The following RCAN3 variants were observed in gnomAD, a reference collection of about 807,000 sequenced individuals.
The protein encoded by RCAN3 is regulator of calcineurin 3, also known as calcipressin-3.
RCAN3 carries 19 observed loss-of-function variants against 21.9 expected under a neutral mutation model. The observed-to-expected ratio is 0.87, with a 90% CI of 0.61 to 1.27. The LOEUF (loss-of-function observed/expected upper bound fraction) is 1.27. Among genes scored for constraint, RCAN3 ranks in the 50% most tolerant of loss-of-function variants. The pLI is 0.00. For synonymous variants in RCAN3, 114 were observed against 112.3 expected, an observed-to-expected ratio of 1.01 and a Z score of -0.09; for missense variants, 240 against 300.1, an observed-to-expected ratio of 0.80 and a Z score of 1.48.
chr1:24,519,366 T>G (rs182854276), intron 2 of RCAN3, among the ~76,000 whole-genome samples: 146 of 152,206 alleles, frequency 9.6e-4, no homozygotes, highest in African/African-American at 2.8e-3. Context: ...CAGAAGCAAA[T>G]TAATCTTGCT....
chr1:24,502,959 T>G lies in RCAN3; in HGVS notation c.-251T>G, dbSNP rs1051226793. ...GAGGGCGTGGCGGCGAGGCTGCTGC[T>G]GCAGGCGGCTCCCGGCTCTGCCTTC... On this transcript the variant is annotated 5_prime_UTR_variant, in exon 1 of 5. Coordinates refer to ENST00000374395, the MANE Select transcript of RCAN3 (RefSeq NM_013441.4). 6.7e-6 allele frequency: 1 copy of G among 149,614 alleles called. No individual in the cohort carries two copies. The highest frequency in any genetic ancestry group is 1.5e-5 in the Non-Finnish European group (1 of 67,066). 9.3% of individuals were successfully genotyped at this position (149,614 alleles called of 1,614,324 possible). A position where few individuals can be genotyped will look rare whatever the true frequency, so the allele number is the denominator to read the frequency against.
At chr1:24,517,101 T>G (rs369388808) in intron 2 of RCAN3, among the ~76,000 whole-genome samples, 2,188 of 151,576 alleles carry the variant, frequency 0.014, 62 homozygotes, top group African/African-American at 0.05. Context: ...TTTGTTTTTT[T>G]TTTGTTTGTT....
chr1:24,505,492 G>GGT (rs1647373688), intron 1 of RCAN3, among the ~76,000 whole-genome samples: 1 of 151,606 alleles, frequency 6.6e-6, no homozygotes, highest in Admixed American at 6.6e-5. Flanking sequence ...CAAAGTGCTG[G>GGT]GATTACAGGC....
chr1:24,527,126 G>A (rs1649336032), intron 2 of RCAN3, among the ~76,000 whole-genome samples: 1 of 152,040 alleles, frequency 6.6e-6, no homozygotes, highest in Non-Finnish European at 1.5e-5. Flanking sequence ...CTGCCTCCCA[G>A]GCTCAAGCAA....
At chr1:24,534,693 G>T (rs1003517452) in intron 4 of RCAN3, among the ~76,000 whole-genome samples, 7 of 151,998 alleles carry the variant, frequency 4.6e-5, no homozygotes, top group Non-Finnish European at 1.0e-4. Context: ...CCAACTACTC[G>T]GGAGGCTAAG....
rs1194060973 is a variant in RCAN3 at position 24,508,397 on chromosome 1, G to GGT, written c.-60+5255_-60+5256dup. Among the ~76,000 whole-genome samples the GGT allele has an allele frequency of 7.9e-5, 12 of 152,326 alleles. No individual in the cohort carries two copies. In the East Asian group the frequency reaches 2.3e-3, roughly 29 times the overall value. On this transcript the variant is annotated intron_variant, in intron 1 of 4. Transcript: ENST00000374395. ...CGAAATGAGAGCCAGTATTGACACA[G>GGT]GTGTGTGTGAACCACAGGGAGGCAG... is the stretch of plus-strand genomic sequence containing the variant.
intron 2 of RCAN3, among the ~76,000 whole-genome samples, chr1:24,519,215 G>GTTTT (rs60599694): frequency 1.5e-4 from 21 of 136,734 alleles, no homozygotes; most frequent in Admixed American, 3.0e-4. Flanking sequence ...CTGGCCTGAT[G>GTTTT]TTTTTTTTTT....
Position 24,514,439 on chromosome 1 carries a change from G to C in RCAN3, c.67G>C (p.Glu23Gln). The change falls in exon 2 of 5, where the codon GAG becomes CAG. Residue 23 changes from glutamate to glutamine, a missense_variant. Transcript: ENST00000374395. ...AGATCTGTGTAGCACTGACCAAGAA[G>C]AGGAAGAAGAGATGATTTTTGGTGA... ...QSDLCSTDQEEEEEMIFGENE... is the reference protein window; with the variant it reads ...QSDLCSTDQEQEEEMIFGENE... 1 of 1,614,168 alleles carries C rather than the reference G, an allele frequency of 6.2e-7. No individual in the cohort carries two copies. The highest frequency in any genetic ancestry group is 8.5e-7 in the Non-Finnish European group (1 of 1,180,024).
At chr1:24,509,715 G>A (rs1647729477) in intron 1 of RCAN3, among the ~76,000 whole-genome samples, 1 of 152,094 alleles carries the variant, frequency 6.6e-6, no homozygotes, top group African/African-American at 2.4e-5. Context: ...CCAACTTGTT[G>A]ATGTTGCGAT....
At position 24,539,501 on chromosome 1, in the gene RCAN3, T is replaced by G. The variant is rs1309193654; in HGVS notation, c.*4224T>G. On this transcript the variant is annotated 3_prime_UTR_variant, in exon 5 of 5. Transcript: ENST00000374395. ...TAATGAAATGACTAATAGTCGTACT[T>G]AAGAGGTAACTCTACTAAAGCAGAA... The G allele has an allele frequency of 6.6e-6, 1 of 152,216 alleles. No individual in the cohort carries two copies. The highest frequency in any genetic ancestry group is 1.9e-4 in the East Asian group (1 of 5,204). 9.4% of individuals were successfully genotyped at this position (152,216 alleles called of 1,614,324 possible).
At position 24,514,313 on chromosome 1, in the gene RCAN3, G is replaced by A. The variant is rs1227139926; in HGVS notation, c.-59-1G>A. Reference sequence around the variant, plus strand: ...CTCTGCATTTTCTTTTTTTTTAACAGTGGGTGCCTGATAGACATCCTAGGA... The same window carrying A: ...CTCTGCATTTTCTTTTTTTTTAACAATGGGTGCCTGATAGACATCCTAGGA... On this transcript the variant is annotated splice_acceptor_variant, in intron 1 of 4. Coordinates refer to ENST00000374395, the MANE Select transcript of RCAN3 (RefSeq NM_013441.4). LOFTEE classifies it low-confidence loss of function (5UTR_SPLICE). The A allele has an allele frequency of 3.6e-6, 5 of 1,377,784 alleles. No homozygotes were observed. Among genetic ancestry groups the A allele is most frequent in the Non-Finnish European group, 3.9e-6 (4 of 1,037,850 alleles). 85.3% of individuals were successfully genotyped at this position (1,377,784 alleles called of 1,614,324 possible).
In RCAN3 at chr1:24,524,710, G is replaced by A. The variant is rs78361084; in HGVS notation, c.196-6508G>A. Among the ~76,000 whole-genome samples, 1,107 of 152,184 alleles carry A rather than the reference G, an allele frequency of 7.3e-3. 15 individuals are homozygous for A. The highest frequency in any genetic ancestry group is 0.024 in the African/African-American group (992 of 41,520). ...TTCTAGATCAGATTTACAGAAAGAC[G>A]TAGAATATAAATCTCTTGCCTTAGG... On this transcript the variant is annotated intron_variant, in intron 2 of 4. Coordinates refer to ENST00000374395, the MANE Select transcript of RCAN3 (RefSeq NM_013441.4).
intron 1 of RCAN3, among the ~76,000 whole-genome samples, chr1:24,505,552 A>G (rs1208000673): frequency 3.3e-5 from 5 of 152,014 alleles, no homozygotes; most frequent in African/African-American, 9.7e-5. Flanking sequence ...ACTTAGTTGA[A>G]ATTTTTAATT....
intron 4 of RCAN3, among the ~76,000 whole-genome samples, chr1:24,534,253 G>C (rs1650034146): frequency 6.6e-6 from 1 of 152,138 alleles, no homozygotes; most frequent in Admixed American, 6.5e-5. Flanking sequence ...AATCAAGGGA[G>C]TGCCTATGCT....
chr1:24,523,345 T>TA lies in RCAN3; in HGVS notation c.196-7872dup, dbSNP rs144492118. On this transcript the variant is annotated intron_variant, in intron 2 of 4. Coordinates refer to ENST00000374395, the MANE Select transcript of RCAN3 (RefSeq NM_013441.4). Reference sequence around the variant, plus strand: ...CTCCCAAAGTGCTGGGATTTTAAATTATCTGTATTTGGAGTCGACATGATT... The same window carrying TA: ...CTCCCAAAGTGCTGGGATTTTAAATTAATCTGTATTTGGAGTCGACATGATT... Among the ~76,000 whole-genome samples the TA allele has an allele frequency of 2.0e-3, 308 of 151,746 alleles. 2 individuals are homozygous for TA. Among genetic ancestry groups the TA allele is most frequent in the Non-Finnish European group, 3.6e-3 (245 of 67,886 alleles).
intron 2 of RCAN3, among the ~76,000 whole-genome samples, chr1:24,516,651 G>C (rs1378220087): frequency 1.3e-5 from 2 of 152,174 alleles, no homozygotes; most frequent in Admixed American, 1.3e-4. Context: ...GTCCTTTTGT[G>C]GGAAACGGTC....
intron 1 of RCAN3, among the ~76,000 whole-genome samples, chr1:24,511,274 C>T (rs1179023723): frequency 6.6e-6 from 1 of 152,194 alleles, no homozygotes; most frequent in African/African-American, 2.4e-5. Flanking sequence ...GATAGCACCA[C>T]TGCACTCCAG....
At position 24,531,361 on chromosome 1, in the gene RCAN3, T is replaced by C; in HGVS notation, c.339T>C (p.Asn113=). The C allele has an allele frequency of 6.2e-7, 1 of 1,613,448 alleles. No homozygotes were observed. Among genetic ancestry groups the C allele is most frequent in the Non-Finnish European group, 8.5e-7 (1 of 1,179,750 alleles). The change falls in exon 3 of 5, where the codon AAT becomes AAC. Residue 113 remains asparagine (N), a synonymous_variant. Transcript: ENST00000374395. ...TAGAACTCCACGAAACAGACTTCAATGGGCAGAAGCTAAAGCTATATTTTG... is the reference window on the plus strand; with the variant it reads ...TAGAACTCCACGAAACAGACTTCAACGGGCAGAAGCTAAAGCTATATTTTG... ...ARIELHETDF[N]GQKLKLYFAQ... is the part of the protein sequence containing the mutation.
rs1477636694 is a variant in RCAN3 at position 24,537,212 on chromosome 1, A to T, written c.*1935A>T. ...CTGCCTGCCCATTAAAGAATATTCT[A>T]TTCCTAACACATAAAACATTTTACA... On this transcript the variant is annotated 3_prime_UTR_variant, in exon 5 of 5. Coordinates refer to ENST00000374395, the MANE Select transcript of RCAN3 (RefSeq NM_013441.4). 1 of 152,046 alleles carries T rather than the reference A, an allele frequency of 6.6e-6. No individual in the cohort carries two copies. The highest frequency in any genetic ancestry group is 1.5e-5 in the Non-Finnish European group (1 of 68,008). The allele number at this position is 152,046 out of a possible 1,614,324, so 9.4% of individuals were successfully genotyped here.
Sources: allele counts gnomAD v4.1 joint callset (sites outside exome capture counted in the v4.1 genomes callset), GRCh38; gene constraint gnomAD v4.1.1; transcripts MANE v1.5; gene names NCBI Gene and HGNC (gene_info 2026-07-23, HGNC 2026-07-21).